Variants in MEF2A observed in about 807,000 individuals in gnomAD.
MEF2A encodes the protein myocyte enhancer factor 2A, also known as myocyte-specific enhancer factor 2A.
A neutral mutation model predicts 55.8 loss-of-function variants in MEF2A; 28 were observed. The ratio of observed to expected loss-of-function variants is 0.50; its 90% confidence interval spans 0.37 to 0.69. MEF2A has a LOEUF of 0.69. MEF2A is among the 30% of genes least tolerant of loss of function. MEF2A has a pLI of 0.00. For synonymous variants in MEF2A, 239 were observed against 227.1 expected, an observed-to-expected ratio of 1.05 and a Z score of -0.47; for missense variants, 528 against 626.2, an observed-to-expected ratio of 0.84 and a Z score of 1.67.
chr15:99,573,429 G>A (rs186915240), intron 1 of MEF2A, among the ~76,000 whole-genome samples: 82 of 152,144 alleles, frequency 5.4e-4, no homozygotes, highest in Non-Finnish European at 7.1e-4. Flanking sequence ...ATTAACATAC[G>A]GTCATTATTC....
intron 4 of MEF2A, 133 bp downstream of exon 4, chr15:99,645,897 C>G: frequency 1.6e-6 from 1 of 623,778 alleles, no homozygotes; most frequent in Non-Finnish European, 2.7e-6. Flanking sequence ...TAAATCATTT[C>G]TTAGAAGAGT....
At chr15:99,672,364 A>T (rs1255171973) in intron 5 of MEF2A, among the ~76,000 whole-genome samples, 1 of 152,234 alleles carries the variant, frequency 6.6e-6, no homozygotes, top group Non-Finnish European at 1.5e-5. Context: ...ATACTCATTC[A>T]TCTAACCATA....
rs77110303 is a variant in MEF2A, at chr15:99,571,616, A to G, written c.-225+5512A>G. ...TTTCATACTGATGACTACTACTTTT[A>G]TTTTCCCAGCCCAGACTTCTCTTGA... On this transcript the variant is annotated intron_variant, in intron 1 of 11. Coordinates refer to ENST00000557942, the MANE Select transcript of MEF2A (RefSeq NM_001319206.4). 9.1e-3 allele frequency among the ~76,000 whole-genome samples: 1,389 copies of G among 152,098 alleles called. 20 individuals are homozygous for G. Among genetic ancestry groups the G allele is most frequent in the African/African-American group, 0.03 (1,254 of 41,488 alleles).
chr15:99,608,856 G>A (rs546316749), intron 2 of MEF2A, among the ~76,000 whole-genome samples: 7 of 151,882 alleles, frequency 4.6e-5, no homozygotes, highest in South Asian at 2.1e-4. Flanking sequence ...AGTTGAGATC[G>A]TGCCATTGGA....
Position 99,602,730 on chromosome 15 carries a change from G to GT in MEF2A, c.-143+4219_-143+4220insT, listed in dbSNP as rs1567204265. ...TGGGGAGCTTTTTGTGTGTGTGTGTGGGGGGGTGGGGGTGGGGAGCTTTTC... is the reference window on the plus strand; with the variant it reads ...TGGGGAGCTTTTTGTGTGTGTGTGTGTGGGGGGTGGGGGTGGGGAGCTTTTC... On this transcript the variant is annotated intron_variant, in intron 2 of 11. Coordinates refer to ENST00000557942, the MANE Select transcript of MEF2A (RefSeq NM_001319206.4). Among the ~76,000 whole-genome samples the GT allele has an allele frequency of 1.6e-4, 11 of 66,964 alleles. 1 individual carries two copies. Among genetic ancestry groups the GT allele is most frequent in the African/African-American group, 4.3e-4 (10 of 23,308 alleles). 43.9% of individuals were successfully genotyped at this position (66,964 alleles called of 152,430 possible). A position where few individuals can be genotyped will look rare whatever the true frequency, so the allele number is the denominator to read the frequency against.
chr15:99,596,342 C>T (rs1971164320), intron 1 of MEF2A, among the ~76,000 whole-genome samples: 1 of 151,446 alleles, frequency 6.6e-6, no homozygotes, highest in Admixed American at 6.6e-5. Flanking sequence ...CATTTTAGTA[C>T]CATTAGATTA....
At chr15:99,587,574 G>A (rs1324997369) in intron 1 of MEF2A, among the ~76,000 whole-genome samples, 3 of 152,132 alleles carry the variant, frequency 2.0e-5, no homozygotes, top group Non-Finnish European at 4.4e-5. Context: ...TCAGCTCCAT[G>A]AACATGGTAT....
intron 4 of MEF2A, among the ~76,000 whole-genome samples, chr15:99,669,773 A>G (rs2050488081): frequency 6.6e-6 from 1 of 152,214 alleles, no homozygotes; most frequent in African/African-American, 2.4e-5. Flanking sequence ...TACTGTGCTT[A>G]TGTTCTACTT....
chr15:99,707,513 A>T (rs749603137), intron 10 of MEF2A, among the ~76,000 whole-genome samples: 5 of 152,140 alleles, frequency 3.3e-5, no homozygotes, highest in Non-Finnish European at 5.9e-5. Flanking sequence ...GTATTAGGAA[A>T]GTTTAAGAAT....
chr15:99,565,711 C>A (rs1959169496), upstream of MEF2A: 2 of 152,498 alleles, frequency 1.3e-5, no homozygotes, highest in South Asian at 4.1e-4. Flanking sequence ...TAGTCCGCCC[C>A]CACGTCCTTG....
intron 1 of MEF2A, among the ~76,000 whole-genome samples, chr15:99,567,540 A>G (rs1176932497): frequency 6.6e-6 from 1 of 152,186 alleles, no homozygotes; most frequent in Non-Finnish European, 1.5e-5. Flanking sequence ...TCTTTTTTAA[A>G]CATACAAAAA....
chr15:99,674,397 G>T lies in MEF2A; in HGVS notation c.395G>T (p.Gly132Val), dbSNP rs755601081. Residue 132 changes from glycine to valine, a missense_variant, in exon 6 of 12, where the codon GGT becomes GTT. Physicochemically the swap from Gly to Val is moderately radical, Grantham distance 109. This residue lies in a region of MEF2A where 450 missense variants were observed against 475.3 expected (regional missense o/e 0.95). Coordinates refer to ENST00000557942, the MANE Select transcript of MEF2A (RefSeq NM_001319206.4). Reference sequence around the variant, plus strand: ...CTTCTTTTTCTTTATTTACAGCCTGGTCTGCCACCTCAGAACTTTTCAATG... The same window carrying T: ...CTTCTTTTTCTTTATTTACAGCCTGTTCTGCCACCTCAGAACTTTTCAATG... ...SDFIFKRGPP[G>V]LPPQNFSMSV... The T allele has an allele frequency of 1.7e-5, 27 of 1,598,974 alleles. No individual in the cohort carries two copies. The highest frequency in any genetic ancestry group is 2.2e-5 in the East Asian group (1 of 44,582).
intron 2 of MEF2A, among the ~76,000 whole-genome samples, chr15:99,613,957 A>G (rs972036709): frequency 2.6e-5 from 4 of 152,330 alleles, no homozygotes; most frequent in African/African-American, 9.6e-5. Flanking sequence ...TTATCACATC[A>G]GTGGCATTTT....
At position 99,671,394 on chromosome 15, in the gene MEF2A, C is replaced by T. The variant is rs1136937; in HGVS notation, c.330C>T (p.Leu110=). ...DADDYFEHSP[L]SEDRFSKLNE... ...ACGATTACTTTGAGCACAGTCCACT[C>T]TCGGAGGACAGATTCAGCAAACTAA... The change falls in exon 5 of 12, where the codon CTC becomes CTT. Residue 110 remains leucine (L), a synonymous_variant. Coordinates refer to ENST00000557942, the MANE Select transcript of MEF2A (RefSeq NM_001319206.4). The T allele has an allele frequency of 6.2e-7, 1 of 1,613,890 alleles. No homozygotes were observed. The highest frequency in any genetic ancestry group is 1.1e-5 in the South Asian group (1 of 91,078).
At chr15:99,675,328 G>T (rs543824990) in intron 6 of MEF2A, 71 bp from the exon 7 acceptor site, 2 of 1,284,360 alleles carry the variant, frequency 1.6e-6, no homozygotes, top group Non-Finnish European at 2.3e-6. Context: ...TTCAGTTCAC[G>T]TTCAGTTAGG....
intron 8 of MEF2A, among the ~76,000 whole-genome samples, chr15:99,695,889 C>A (rs919248790): frequency 1.1e-4 from 17 of 149,834 alleles, no homozygotes; most frequent in African/African-American, 4.2e-4. Flanking sequence ...ATGCTGCTTA[C>A]AAGAAATCCA....
chr15:99,703,290 T>C, intron 8 of MEF2A, 72 bp from the exon 9 acceptor site: 2 of 1,508,590 alleles, frequency 1.3e-6, no homozygotes, highest in South Asian at 2.3e-5. Flanking sequence ...ATGTTTTTTC[T>C]AAAGAAATAT....
At chr15:99,687,749 G>A (rs905210508) in intron 7 of MEF2A, among the ~76,000 whole-genome samples, 1 of 152,156 alleles carries the variant, frequency 6.6e-6, no homozygotes, top group Non-Finnish European at 1.5e-5. Context: ...CATATTGTGA[G>A]TATAATTTTG....
intron 8 of MEF2A, among the ~76,000 whole-genome samples, chr15:99,694,461 A>G (rs536765289): frequency 3.3e-5 from 5 of 152,354 alleles, no homozygotes; most frequent in South Asian, 2.1e-4. Context: ...CTGAAATCCA[A>G]AATGATCCAA....
Sources: allele counts gnomAD v4.1 joint callset (sites outside exome capture counted in the v4.1 genomes callset), GRCh38; gene constraint gnomAD v4.1.1; regional missense constraint gnomAD v4.1.1; transcripts MANE v1.5; gene names NCBI Gene and HGNC (gene_info 2026-07-23, HGNC 2026-07-21).